Variants in ME3 observed in about 807,000 individuals in gnomAD.
The protein encoded by ME3 is NADP-dependent malic enzyme, mitochondrial.
Under a neutral mutation model 68.9 loss-of-function variants are expected in ME3, and 48 were observed. That is an observed-to-expected ratio of 0.70 (90% CI 0.55 to 0.89). The LOEUF is 0.89. Ranked by LOEUF, ME3 falls within the 40% of genes least tolerant of loss-of-function variation. The pLI, the probability that ME3 is intolerant of heterozygous loss-of-function variation, is 0.00. For missense variants in ME3, 675 were observed against 797.4 expected (o/e 0.85, Z 1.85); for synonymous variants, 320 against 318.8 (o/e 1.00, Z -0.04).
intron 2 of ME3, among the ~76,000 whole-genome samples, chr11:86,604,893 TTTAA>T (rs2135148682): frequency 6.6e-6 from 1 of 152,350 alleles, no homozygotes; most frequent in Non-Finnish European, 1.5e-5. Flanking sequence ...AAGTGAATGA[TTTAA>T]TAACATTTAG....
chr11:86,638,145 T>C (rs1944460553), intron 2 of ME3, among the ~76,000 whole-genome samples: 1 of 152,150 alleles, frequency 6.6e-6, no homozygotes, highest in Non-Finnish European at 1.5e-5. Flanking sequence ...GACTTTTCTG[T>C]TGTGGTAAAC....
intron 8 of ME3, among the ~76,000 whole-genome samples, chr11:86,462,023 CAATGAATGTAAACA>C (rs1359008810): frequency 6.6e-6 from 1 of 152,114 alleles, no homozygotes; most frequent in Non-Finnish European, 1.5e-5. Flanking sequence ...ACACAAAAAC[CAATGAATGTAAACA>C]AATGGATTGA....
At chr11:86,506,096 A>G (rs1031131663) in intron 5 of ME3, among the ~76,000 whole-genome samples, 1 of 152,164 alleles carries the variant, frequency 6.6e-6, no homozygotes, top group Non-Finnish European at 1.5e-5. Flanking sequence ...GTAGATGTTT[A>G]CTAAAAGATG....
chr11:86,548,885 G>T (rs1319686803), intron 4 of ME3, among the ~76,000 whole-genome samples: 1 of 152,176 alleles, frequency 6.6e-6, no homozygotes, highest in East Asian at 1.9e-4. Flanking sequence ...TTCTACTCCT[G>T]CCTCCTTCCG....
chr11:86,446,702 G>A (rs567685894), intron 12 of ME3, among the ~76,000 whole-genome samples: 1 of 152,364 alleles, frequency 6.6e-6, no homozygotes, highest in East Asian at 1.9e-4. Context: ...ACTGCTGAAA[G>A]GTGATGGGGT....
intron 4 of ME3, among the ~76,000 whole-genome samples, chr11:86,510,965 A>G (rs1358442919): frequency 1.3e-5 from 2 of 152,200 alleles, no homozygotes; most frequent in Admixed American, 1.3e-4. Context: ...TATTTCCCCG[A>G]CATAACTAAT....
intron 11 of ME3, 65 bp downstream of exon 11, chr11:86,448,085 G>A: frequency 8.6e-7 from 1 of 1,163,998 alleles, no homozygotes. Flanking sequence ...CTGAGCCTCT[G>A]TCTCTCCATC....
At chr11:86,585,237 C>A (rs1359952221) in intron 2 of ME3, among the ~76,000 whole-genome samples, 2 of 152,168 alleles carry the variant, frequency 1.3e-5, no homozygotes, top group Non-Finnish European at 2.9e-5. Context: ...AATCTGTGTT[C>A]TTTAGAAAAG....
At chr11:86,501,194 A>ATAATAATAATAATAATAATAATAATAC (rs111280850) in intron 5 of ME3, among the ~76,000 whole-genome samples, 3 of 150,446 alleles carry the variant, frequency 2.0e-5, no homozygotes, top group Non-Finnish European at 3.0e-5. Flanking sequence ...AATAATAATA[A>ATAATAATAATAATAATAATAATAATAC]TACTTAACTC....
intron 4 of ME3, among the ~76,000 whole-genome samples, chr11:86,526,506 C>G (rs774034999): frequency 2.0e-5 from 3 of 152,184 alleles, no homozygotes; most frequent in African/African-American, 7.2e-5. Context: ...TGTCTGACAG[C>G]GTTGAAGATA....
chr11:86,453,123 T>G (rs1949726596), intron 8 of ME3, among the ~76,000 whole-genome samples: 1 of 152,130 alleles, frequency 6.6e-6, no homozygotes, highest in African/African-American at 2.4e-5. Context: ...CTCAGCCTCC[T>G]GAGTAGCTGG....
chr11:86,568,218 T>C (rs1957594356), intron 2 of ME3, among the ~76,000 whole-genome samples: 1 of 152,186 alleles, frequency 6.6e-6, no homozygotes, highest in East Asian at 1.9e-4. Flanking sequence ...TGACTATTGT[T>C]ACTAGTTTTG....
At chr11:86,436,076 A>T in the ME3 span, 2 of 152,190 alleles carry the variant, frequency 1.3e-5, 1 homozygote, top group South Asian at 4.1e-4. Context: ...CTTGCTGAAT[A>T]CTGGGGCTAT....
chr11:86,559,778 C>T (rs771263361), exon 3 of ME3: 14 of 1,614,006 alleles, frequency 8.7e-6, no homozygotes, highest in South Asian at 7.7e-5. Flanking sequence ...GGGATTAGGC[C>T]GTGGATTCCA....
At chr11:86,521,440 TAATAATAATAATAAA>T (rs1296666280) in intron 4 of ME3, among the ~76,000 whole-genome samples, 170 of 145,498 alleles carry the variant, frequency 1.2e-3, no homozygotes, top group African/African-American at 4.1e-3. Context: ...AAAATAATAA[TAATAATAATAATAAA>T]AAAATGGAGC....
In ME3 at chr11:86,517,453, G is replaced by A. The variant is rs1953968167; in HGVS notation, c.468-8586C>T. Among the ~76,000 whole-genome samples the A allele has an allele frequency of 2.0e-5, 3 of 152,298 alleles. No individual in the cohort carries two copies. The South Asian group carries it at 6.2e-4, about 32-fold the overall frequency. On this transcript the variant is annotated intron_variant, in intron 4 of 14. Transcript: ENST00000543262. ...AGATTTTAGGGTTGTTTGTTCCTCA[G>A]CATAATATGGCTAAGAAACATTTTG...
chr11:86,615,477 AAC>A (rs1942893721), intron 2 of ME3, among the ~76,000 whole-genome samples: 1 of 152,206 alleles, frequency 6.6e-6, no homozygotes, highest in Non-Finnish European at 1.5e-5. Context: ...ATCAGGTAGT[AAC>A]ACTCCACTTA....
intron 3 of ME3, among the ~76,000 whole-genome samples, chr11:86,558,224 C>T (rs938325470): frequency 3.3e-5 from 5 of 152,164 alleles, no homozygotes; most frequent in African/African-American, 7.2e-5. Context: ...TCACTTTGGA[C>T]TTGATTTCTT....
In ME3 at chr11:86,461,310, C is replaced by G. The variant is rs1322885031; in HGVS notation, c.919+3781G>C. 1.3e-5 allele frequency among the ~76,000 whole-genome samples: 2 copies of G among 152,198 alleles called. 1 individual carries two copies. The highest frequency in any genetic ancestry group is 4.8e-5 in the African/African-American group (2 of 41,512). Reference sequence around the variant, plus strand: ...TGACGTGGGACAGCTGTGTTTGTCCCCCAGTGAGGGAGGGGGGGATGTTGC... The same window carrying G: ...TGACGTGGGACAGCTGTGTTTGTCCGCCAGTGAGGGAGGGGGGGATGTTGC... On this transcript the variant is annotated intron_variant, in intron 8 of 14. Coordinates refer to ENST00000543262, the Ensembl canonical transcript of ME3.
Sources: allele counts gnomAD v4.1 joint callset (sites outside exome capture counted in the v4.1 genomes callset), GRCh38; gene constraint gnomAD v4.1.1; transcripts MANE v1.5; gene names NCBI Gene and HGNC (gene_info 2026-07-23, HGNC 2026-07-21).